Variants in CFAP96 observed in about 807,000 individuals in gnomAD.
CFAP96 encodes the protein cilia and flagella associated protein 96.
chr4:185,433,415 AAAAGAAAAG>A, the CFAP96 span, among the ~76,000 whole-genome samples: 13 of 7,204 alleles, frequency 1.8e-3, no homozygotes, highest in East Asian at 0.019. Flanking sequence ...AAAAAAAAAG[AAAAGAAAAG>A]TAATGTTCAT....
chr4:185,445,457 A>C, the CFAP96 span: 1 of 1,355,540 alleles, frequency 7.4e-7, no homozygotes, highest in Non-Finnish European at 1.0e-6. Context: ...TACAATTAAC[A>C]TTGGCTATTT....
the CFAP96 span, among the ~76,000 whole-genome samples, chr4:185,428,029 T>A: frequency 5.9e-3 from 891 of 150,158 alleles, 13 homozygotes; most frequent in African/African-American, 0.021. Context: ...GAGGTTGCAG[T>A]GAGCCGAGAT....
the CFAP96 span, among the ~76,000 whole-genome samples, chr4:185,431,745 A>T: frequency 6.6e-6 from 1 of 152,220 alleles, no homozygotes; most frequent in Non-Finnish European, 1.5e-5. Context: ...ACCAGCTCTA[A>T]AACTCAGAGT....
the CFAP96 span, among the ~76,000 whole-genome samples, chr4:185,443,646 G>A: frequency 6.6e-6 from 1 of 151,520 alleles, no homozygotes; most frequent in Non-Finnish European, 1.5e-5. Context: ...ACAGTGCCTG[G>A]CCTATTTTAT....
the CFAP96 span, among the ~76,000 whole-genome samples, chr4:185,440,160 A>C: frequency 6.6e-6 from 1 of 152,018 alleles, no homozygotes; most frequent in Non-Finnish European, 1.5e-5. Flanking sequence ...TTTACAGTTG[A>C]AGAAGATGTG....
chr4:185,422,414 CA>C, the CFAP96 span: 1 of 1,154,584 alleles, frequency 8.7e-7, no homozygotes, highest in South Asian at 1.4e-5. Context: ...GTTTCATTTG[CA>C]AAGTGGAAAT....
At chr4:185,416,564 G>T in the CFAP96 span, among the ~76,000 whole-genome samples, 6 of 152,254 alleles carry the variant, frequency 3.9e-5, no homozygotes, top group African/African-American at 9.6e-5. Context: ...AAGTGGAACT[G>T]GAGGTATCAA....
At chr4:185,432,162 T>C in the CFAP96 span, 5 of 1,551,694 alleles carry the variant, frequency 3.2e-6, no homozygotes, top group African/African-American at 6.8e-5. Flanking sequence ...AAAAAAAATC[T>C]AGGCAAAGCA....
chr4:185,440,641 A>G, the CFAP96 span: 1,427 of 1,519,508 alleles, frequency 9.4e-4, 16 homozygotes, highest in African/African-American at 0.018. Flanking sequence ...TTTCTGAGGA[A>G]TCTTTACCAC....
the CFAP96 span, among the ~76,000 whole-genome samples, chr4:185,423,769 T>C: frequency 1.2e-4 from 18 of 151,850 alleles, 1 homozygote; most frequent in Admixed American, 1.3e-4. Flanking sequence ...TACACATATA[T>C]ACACACACAG....
chr4:185,421,228 T>C, the CFAP96 span, among the ~76,000 whole-genome samples: 1 of 152,204 alleles, frequency 6.6e-6, no homozygotes, highest in Non-Finnish European at 1.5e-5. Flanking sequence ...GTTGAAGGGA[T>C]GGGTGGAAAA....
chr4:185,423,490 C>CT, the CFAP96 span, among the ~76,000 whole-genome samples: 1 of 151,762 alleles, frequency 6.6e-6, no homozygotes, highest in South Asian at 2.1e-4. Context: ...CAGACTTAGT[C>CT]TAAGAAAAAT....
chr4:185,424,112 G>A, the CFAP96 span, among the ~76,000 whole-genome samples: 1 of 149,578 alleles, frequency 6.7e-6, no homozygotes, highest in Non-Finnish European at 1.5e-5. Context: ...GACCAGACTG[G>A]GCAACATAGG....
At chr4:185,444,079 G>C in the CFAP96 span, among the ~76,000 whole-genome samples, 1 of 145,056 alleles carries the variant, frequency 6.9e-6, no homozygotes, top group Non-Finnish European at 1.5e-5. Context: ...TCAGCCTCCC[G>C]AGTAGCTGGG....
the CFAP96 span, chr4:185,436,240 A>G: frequency 2.6e-6 from 4 of 1,543,408 alleles, no homozygotes; most frequent in Non-Finnish European, 3.5e-6. Flanking sequence ...AAAAAATTAA[A>G]TTTCTGAATT....
chr4:185,446,406 T>C, the CFAP96 span, among the ~76,000 whole-genome samples: 55 of 152,320 alleles, frequency 3.6e-4, no homozygotes, highest in African/African-American at 1.3e-3. Flanking sequence ...TGTACTACTC[T>C]TCTTGCTCAT....
At chr4:185,416,763 T>C in the CFAP96 span, among the ~76,000 whole-genome samples, 3 of 152,374 alleles carry the variant, frequency 2.0e-5, no homozygotes, top group African/African-American at 4.8e-5. Flanking sequence ...TGGAGCCAGC[T>C]TGAAGAAACT....
At chr4:185,444,138 A>G in the CFAP96 span, among the ~76,000 whole-genome samples, 1 of 150,622 alleles carries the variant, frequency 6.6e-6, no homozygotes, top group South Asian at 2.1e-4. Flanking sequence ...TATTTTTAGT[A>G]GAGACGGGGT....
chr4:185,449,242 G>A, the CFAP96 span, among the ~76,000 whole-genome samples: 1 of 152,044 alleles, frequency 6.6e-6, no homozygotes, highest in Non-Finnish European at 1.5e-5. Flanking sequence ...GTACAGATAG[G>A]CTGGGCGTGT....
Sources: gnomAD v4.1 joint callset for allele counts (sites outside exome capture counted in the v4.1 genomes callset) on GRCh38, gnomAD v4.1.1 for gene constraint, MANE v1.5 for transcripts, NCBI Gene and HGNC (gene_info 2026-07-23, HGNC 2026-07-21) for gene names.